Variants in RANBP3 observed in about 807,000 individuals in gnomAD.
RANBP3 encodes the protein ran-binding protein 3.
A neutral mutation model predicts 77.3 loss-of-function variants in RANBP3; 14 were observed. The ratio of observed to expected loss-of-function variants is 0.18; its 90% confidence interval spans 0.12 to 0.28. RANBP3 has a LOEUF of 0.28. Ranked by LOEUF, RANBP3 falls within the 10% of genes least tolerant of loss-of-function variation. RANBP3 has a pLI of 1.00. For synonymous variants in RANBP3, 315 were observed against 312.4 expected (o/e 1.01, Z -0.09); for missense variants, 586 against 752.3 (o/e 0.78, Z 2.59).
chr19:5,944,538 C>T (rs2058179362), intron 3 of RANBP3, among the ~76,000 whole-genome samples: 1 of 152,244 alleles, frequency 6.6e-6, no homozygotes, highest in Non-Finnish European at 1.5e-5. Flanking sequence ...CTACTGCCCT[C>T]GACGGGCCCT....
At chr19:5,931,713 TA>T (rs200747334) in intron 7 of RANBP3, among the ~76,000 whole-genome samples, 182 bp from the exon 8 acceptor site, 36 of 150,972 alleles carry the variant, frequency 2.4e-4, no homozygotes, top group African/African-American at 8.3e-4. Flanking sequence ...TTCTTGGATT[TA>T]AAAAAAAACA....
At position 5,925,696 on chromosome 19, in the gene RANBP3, A is replaced by G. The variant is rs2057897331; in HGVS notation, c.855T>C (p.Ala285=). 3 of 1,613,864 alleles carry G rather than the reference A, an allele frequency of 1.9e-6. No homozygotes were observed. Among genetic ancestry groups the G allele is most frequent in the Non-Finnish European group, 2.5e-6 (3 of 1,179,980 alleles). Residue 285 remains alanine, a synonymous_variant, in exon 10 of 17, where the codon GCT becomes GCC. Transcript: ENST00000340578. ...ESVDEADMEN[A]GHPSADTPTA... is the part of the protein sequence containing the mutation. ...TTGGCGTGTCTGCGCTGGGGTGTCC[A>G]GCATTCTCCATGTCGGCTTCGTCCA...
At chr19:5,947,554 T>G (rs1287804385) in intron 3 of RANBP3, among the ~76,000 whole-genome samples, 1 of 152,042 alleles carries the variant, frequency 6.6e-6, no homozygotes, top group Non-Finnish European at 1.5e-5. Context: ...GATGACAACA[T>G]CCCAGAGTAA....
At chr19:5,957,839 C>T (rs945894863) in intron 2 of RANBP3, 79 bp downstream of exon 2, 42 of 1,527,292 alleles carry the variant, frequency 2.7e-5, no homozygotes, top group Middle Eastern at 1.7e-4. Context: ...CTTGGCAATG[C>T]GACCTGGAAA....
intron 3 of RANBP3, among the ~76,000 whole-genome samples, chr19:5,943,158 C>T (rs1260096145): frequency 6.6e-6 from 1 of 152,222 alleles, no homozygotes; most frequent in East Asian, 1.9e-4. Flanking sequence ...CTGGCGCGCT[C>T]CCTGCAAGAG....
At chr19:5,947,438 T>G (rs551591421) in intron 3 of RANBP3, among the ~76,000 whole-genome samples, 1 of 152,124 alleles carries the variant, frequency 6.6e-6, no homozygotes, top group Admixed American at 6.5e-5. Context: ...AGAGCCCCAT[T>G]TCCTCCTCCT....
At chr19:5,951,213 TC>T (rs1346039926) in intron 3 of RANBP3, among the ~76,000 whole-genome samples, 179 bp downstream of exon 3, 10 of 152,210 alleles carry the variant, frequency 6.6e-5, no homozygotes, top group Non-Finnish European at 1.3e-4. Context: ...GATTCGATCT[TC>T]CCTGACTTTT....
At chr19:5,953,069 A>C (rs2058294586) in intron 2 of RANBP3, among the ~76,000 whole-genome samples, 1 of 152,232 alleles carries the variant, frequency 6.6e-6, no homozygotes, top group East Asian at 1.9e-4. Context: ...GGTAATTCAA[A>C]ATGCTAAACA....
At position 5,921,650 on chromosome 19, in the gene RANBP3, G is replaced by A. The variant is rs2057821793; in HGVS notation, c.1210-329C>T. Among the ~76,000 whole-genome samples the A allele has an allele frequency of 6.6e-6, 1 of 152,274 alleles. No individual in the cohort carries two copies. Among genetic ancestry groups the A allele is most frequent in the African/African-American group, 2.4e-5 (1 of 41,478 alleles). ...GGGAAGGCCGCATGGTGCCACTGCTGTGGAAGAGTCTGGCGGCTCCTCAAA... is the reference window on the plus strand; with the variant it reads ...GGGAAGGCCGCATGGTGCCACTGCTATGGAAGAGTCTGGCGGCTCCTCAAA... On this transcript the variant is annotated intron_variant, in intron 13 of 16. Coordinates refer to ENST00000340578, the MANE Select transcript of RANBP3 (RefSeq NM_007322.3). The surrounding 1 kb of genome is among the most constrained non-coding windows in gnomAD (Gnocchi z 5.3).
At chr19:5,963,512 C>T (rs901512064) in intron 1 of RANBP3, among the ~76,000 whole-genome samples, 1 of 152,228 alleles carries the variant, frequency 6.6e-6, no homozygotes, top group African/African-American at 2.4e-5. Flanking sequence ...GATCGTGCCA[C>T]TGCACTCCAG....
chr19:5,919,815 C>T (rs574645889), intron 14 of RANBP3, among the ~76,000 whole-genome samples: 15 of 150,742 alleles, frequency 1.0e-4, no homozygotes, highest in South Asian at 8.6e-4. Context: ...GCAGGAGAAT[C>T]GCGTGAACCT....
chr19:5,973,624 G>C (rs1402135041), intron 1 of RANBP3, among the ~76,000 whole-genome samples: 1 of 152,220 alleles, frequency 6.6e-6, no homozygotes, highest in Admixed American at 6.5e-5. Context: ...AGGCCCTGCT[G>C]GTCTTCTGCC....
intron 6 of RANBP3, chr19:5,933,043 C>T (rs1169915651): frequency 2.6e-5 from 7 of 270,044 alleles, no homozygotes; most frequent in South Asian, 6.2e-5. Flanking sequence ...TCACTAGCAG[C>T]GCGCCGCTGG....
intron 1 of RANBP3, among the ~76,000 whole-genome samples, chr19:5,977,039 C>G (rs1351644463): frequency 1.3e-5 from 2 of 152,162 alleles, no homozygotes; most frequent in East Asian, 3.8e-4. Flanking sequence ...GACTTTGCAC[C>G]ACACCTGGTA....
chr19:5,917,600 C>A lies in RANBP3; in HGVS notation c.*10G>T. 1 of 1,592,314 alleles carries A rather than the reference C, an allele frequency of 6.3e-7. No homozygotes were observed. Among genetic ancestry groups the A allele is most frequent in the Non-Finnish European group, 8.5e-7 (1 of 1,173,616 alleles). ...AGCAGCAGCCTGGTGTGCAGCCGGG[C>A]TCCCGGCCGCTATGTGCTCCCGGTC... On this transcript the variant is annotated 3_prime_UTR_variant, in exon 17 of 17. Coordinates refer to ENST00000340578, the MANE Select transcript of RANBP3 (RefSeq NM_007322.3).
intron 1 of RANBP3, among the ~76,000 whole-genome samples, chr19:5,969,680 C>T (rs893903591): frequency 7.2e-5 from 11 of 152,256 alleles, no homozygotes; most frequent in Middle Eastern, 3.2e-3. Context: ...TGGAGACAGG[C>T]GCACTGGCCC....
chr19:5,965,964 G>C (rs528302174), intron 1 of RANBP3: 3 of 152,344 alleles, frequency 2.0e-5, no homozygotes, highest in South Asian at 4.1e-4. Flanking sequence ...CAAGCGACCT[G>C]TCGGAGGTGG....
chr19:5,925,381 C>A (rs533572018), intron 10 of RANBP3: 6 of 570,220 alleles, frequency 1.1e-5, no homozygotes, highest in Non-Finnish European at 1.9e-5. Flanking sequence ...TGGGCTGTAG[C>A]CTCCATGGGC....
chr19:5,947,651 C>T (rs2058223587), intron 3 of RANBP3, among the ~76,000 whole-genome samples: 3 of 152,236 alleles, frequency 2.0e-5, no homozygotes, highest in Non-Finnish European at 4.4e-5. Flanking sequence ...ACAGAGCAGG[C>T]TCAGAAAAGA....
Sources: allele counts gnomAD v4.1 joint callset (sites outside exome capture counted in the v4.1 genomes callset), GRCh38; gene constraint gnomAD v4.1.1; non-coding constraint Gnocchi (gnomAD v3.1); transcripts MANE v1.5; gene names NCBI Gene and HGNC (gene_info 2026-07-23, HGNC 2026-07-21).